The following CLDN14 variants were observed in gnomAD, a reference collection of about 807,000 sequenced individuals.
CLDN14 encodes the protein claudin-14.
A neutral mutation model predicts 2.1 loss-of-function variants in CLDN14; 2 were observed. The ratio of observed to expected loss-of-function variants is 0.96; its 90% CI spans 0.39 to 3.01. The LOEUF is 3.01. Ranked by LOEUF, CLDN14 falls within the 30% of genes most tolerant of loss-of-function variation. The pLI is 0.09. For synonymous variants in CLDN14, 136 were observed against 154.4 expected, an observed-to-expected ratio of 0.88 and a Z score of 0.88; for missense variants, 298 against 328.0, an observed-to-expected ratio of 0.91 and a Z score of 0.71.
intron 2 of CLDN14, among the ~76,000 whole-genome samples, chr21:36,508,878 T>C (rs1024479513): frequency 6.6e-6 from 1 of 152,204 alleles, no homozygotes; most frequent in Non-Finnish European, 1.5e-5. Flanking sequence ...GACATTGTCC[T>C]GTGGGTTGGT....
rs1234101819 is a variant in CLDN14, at chr21:36,468,230, G to A, written c.-81-6454C>T. Among the ~76,000 whole-genome samples the A allele has an allele frequency of 6.6e-5, 10 of 152,278 alleles. No homozygotes were observed. The South Asian group carries it at 1.2e-3, about 19-fold the overall frequency. On this transcript the variant is annotated intron_variant, in intron 1 of 1. Coordinates refer to ENST00000399135, the MANE Select transcript of CLDN14 (RefSeq NM_001146079.2). ...AAATGTCTGGTTCAAAAACCTGAAT[G>A]TCCTCACTGTCACCCCAACCAAATG...
chr21:36,538,704 A>G (rs192251640), intron 1 of CLDN14, among the ~76,000 whole-genome samples: 11 of 152,348 alleles, frequency 7.2e-5, no homozygotes, highest in Admixed American at 6.5e-4. Context: ...AGAGAAGCCC[A>G]TGTATGAGAA....
Position 36,490,385 on chromosome 21 carries a change from AT to A in CLDN14, c.-82+19977del, listed in dbSNP as rs71198817. 4.3e-3 allele frequency among the ~76,000 whole-genome samples: 444 copies of A among 102,074 alleles called. 1 individual carries two copies. The highest frequency in any genetic ancestry group is 7.7e-3 in the African/African-American group (194 of 25,270). 67.0% of individuals were successfully genotyped at this position (102,074 alleles called of 152,430 possible). Reference sequence around the variant, plus strand: ...TGTCTGCTAGTTCAATTTTTTTTTAATTTTTTTTTTTTTTTTTTTTTGTGAC... The same window carrying A: ...TGTCTGCTAGTTCAATTTTTTTTTAATTTTTTTTTTTTTTTTTTTTGTGAC... On this transcript the variant is annotated intron_variant, in intron 2 of 2. Coordinates refer to the CLDN14 transcript ENST00000342108.
intron 1 of CLDN14, among the ~76,000 whole-genome samples, chr21:36,469,689 A>G (rs79719027): frequency 6.6e-6 from 1 of 152,242 alleles, no homozygotes; most frequent in East Asian, 1.9e-4. Flanking sequence ...GCTATTTTCA[A>G]CTCAGTAAGA....
chr21:36,498,157 T>G lies in CLDN14; in HGVS notation c.-82+12206A>C, dbSNP rs895542340. 1.3e-5 allele frequency among the ~76,000 whole-genome samples: 2 copies of G among 151,890 alleles called. No individual in the cohort carries two copies. The highest frequency in any genetic ancestry group is 6.6e-5 in the Admixed American group (1 of 15,256). ...CTGGGATTACAGGCACCCACCACCA[T>G]GCCCAGCTAATTTTTGTATTCTTAG... On this transcript the variant is annotated intron_variant, in intron 2 of 2. Transcript: ENST00000342108. The surrounding 1 kb of genome is among the most constrained non-coding windows in gnomAD (Gnocchi z 4.9).
chr21:36,509,134 G>C (rs1289120697), intron 2 of CLDN14, among the ~76,000 whole-genome samples: 2 of 152,186 alleles, frequency 1.3e-5, no homozygotes, highest in Non-Finnish European at 2.9e-5. Context: ...CTGGCCCTGG[G>C]CATGGCTGCG....
At chr21:36,556,625 T>TA (rs2087600829) in intron 1 of CLDN14, among the ~76,000 whole-genome samples, 2 of 152,148 alleles carry the variant, frequency 1.3e-5, no homozygotes, top group South Asian at 4.1e-4. Flanking sequence ...GGATGACCGA[T>TA]ATAAAAACAC....
intron 1 of CLDN14, among the ~76,000 whole-genome samples, chr21:36,555,128 C>T (rs448849): frequency 0.75 from 113,498 of 152,028 alleles, 43,916 homozygotes; most frequent in Non-Finnish European, 0.87. Flanking sequence ...CCTATAACTC[C>T]GTCTAACTCA....
At chr21:36,507,327 A>C (rs1387608964) in intron 2 of CLDN14, among the ~76,000 whole-genome samples, 1 of 152,202 alleles carries the variant, frequency 6.6e-6, no homozygotes, top group Admixed American at 6.5e-5. Flanking sequence ...CATAAAACCC[A>C]GAGGAACATG....
At position 36,544,651 on chromosome 21, in the gene CLDN14, G is replaced by A. The variant is rs991231875; in HGVS notation, c.-220+31760C>T. Among the ~76,000 whole-genome samples, 59 of 152,308 alleles carry A rather than the reference G, an allele frequency of 3.9e-4. 1 individual carries two copies. The highest frequency in any genetic ancestry group is 1.2e-4 in the Non-Finnish European group (8 of 68,026). The stretch of plus-strand genomic sequence containing the variant: ...TCTCTGTATTTTATCCAAATATGCC[G>A]TGGACTTTGAAATGAACTCTTTACA... On this transcript the variant is annotated intron_variant, in intron 1 of 2. Coordinates refer to the CLDN14 transcript ENST00000342108. This position sits in a 1 kb window ranked among gnomAD's most constrained non-coding sequence, Gnocchi z 4.1.
chr21:36,476,729 G>A (rs2086784719), intron 1 of CLDN14, among the ~76,000 whole-genome samples: 2 of 152,220 alleles, frequency 1.3e-5, no homozygotes, highest in Non-Finnish European at 1.5e-5. Flanking sequence ...GGGATTGTAG[G>A]CGTGAGCCAC....
intron 1 of CLDN14, chr21:36,542,468 C>T (rs1293197225): frequency 3.9e-5 from 6 of 152,210 alleles, no homozygotes; most frequent in Admixed American, 3.3e-4. Context: ...CGGGGAGCCC[C>T]TATGGCACCA....
At chr21:36,553,525 G>T (rs1056005268) in intron 1 of CLDN14, among the ~76,000 whole-genome samples, 3 of 151,958 alleles carry the variant, frequency 2.0e-5, no homozygotes, top group African/African-American at 7.3e-5. Context: ...GGCCCTGCCC[G>T]CCCATTTCTT....
intron 1 of CLDN14, among the ~76,000 whole-genome samples, chr21:36,516,516 C>T (rs534763092): frequency 1.3e-5 from 2 of 152,342 alleles, no homozygotes; most frequent in African/African-American, 2.4e-5. Flanking sequence ...CTGGAACTTC[C>T]TCTCAATTTC....
intron 1 of CLDN14, among the ~76,000 whole-genome samples, chr21:36,574,279 A>C (rs1277548442): frequency 6.6e-6 from 1 of 152,206 alleles, no homozygotes; most frequent in Non-Finnish European, 1.5e-5. Context: ...TTCCACAAAG[A>C]TGTCAAAGTA....
intron 1 of CLDN14, among the ~76,000 whole-genome samples, chr21:36,559,315 G>C (rs1225090454): frequency 6.6e-6 from 1 of 152,280 alleles, no homozygotes; most frequent in African/African-American, 2.4e-5. Flanking sequence ...TCCTGCCTCA[G>C]CCTCCCAGGT....
intron 2 of CLDN14, among the ~76,000 whole-genome samples, chr21:36,506,393 T>TC (rs2087132952): frequency 6.6e-6 from 1 of 152,020 alleles, no homozygotes; most frequent in Non-Finnish European, 1.5e-5. Flanking sequence ...GGTCAGAAGT[T>TC]CAAGACCAGC....
intron 1 of CLDN14, among the ~76,000 whole-genome samples, chr21:36,553,731 G>A (rs1159719205): frequency 6.6e-6 from 1 of 152,006 alleles, no homozygotes; most frequent in Non-Finnish European, 1.5e-5. Flanking sequence ...AGCAGGACCT[G>A]CTACAGTCAG....
intron 2 of CLDN14, among the ~76,000 whole-genome samples, chr21:36,488,258 C>CTTCCTTCCT (rs2086919965): frequency 6.7e-6 from 1 of 149,160 alleles, no homozygotes; most frequent in Non-Finnish European, 1.5e-5. Context: ...TCCTTCCTTC[C>CTTCCTTCCT]TTCCTTCCTT....
Sources: allele counts gnomAD v4.1 joint callset (sites outside exome capture counted in the v4.1 genomes callset), GRCh38; gene constraint gnomAD v4.1.1; non-coding constraint Gnocchi (gnomAD v3.1); transcripts MANE v1.5; gene names NCBI Gene and HGNC (gene_info 2026-07-23, HGNC 2026-07-21).